NEO1: variants seen among roughly 807,000 people sequenced by gnomAD.
NEO1 encodes neogenin 1, also known as neogenin.
NEO1 carries 63 observed loss-of-function variants against 159.7 expected under a neutral mutation model. The ratio of observed to expected loss-of-function variants is 0.39; its 90% CI spans 0.32 to 0.49. The LOEUF (loss-of-function observed/expected upper bound fraction) is 0.49. NEO1 is among the 20% of genes least tolerant of loss of function. The probability of loss-of-function intolerance (pLI) is 0.85; values close to 1 mark genes in which losing one functional copy is unlikely to be tolerated. For synonymous variants in NEO1, 633 were observed against 662.0 expected, an observed-to-expected ratio of 0.96 and a Z score of 0.67; for missense variants, 1,615 against 1,831.0, an observed-to-expected ratio of 0.88 and a Z score of 2.15.
intron 5 of NEO1, among the ~76,000 whole-genome samples, chr15:73,145,137 TA>T (rs1017644146): frequency 2.6e-5 from 4 of 152,112 alleles, no homozygotes; most frequent in Non-Finnish European, 5.9e-5. Flanking sequence ...TAATATCTGT[TA>T]AAAAAGGGGG....
chr15:73,229,123 T>C (rs1164255085), intron 7 of NEO1, among the ~76,000 whole-genome samples: 1 of 152,176 alleles, frequency 6.6e-6, no homozygotes, highest in African/African-American at 2.4e-5. Flanking sequence ...AGTTGCCTTA[T>C]TAACAACTTT....
At chr15:73,110,994 AAAGAT>A (rs1270640301) in intron 1 of NEO1, among the ~76,000 whole-genome samples, 2 of 152,200 alleles carry the variant, frequency 1.3e-5, no homozygotes, top group Admixed American at 6.5e-5. Context: ...TACTGAAAAA[AAAGAT>A]AAGAAGAATG....
intron 28 of NEO1, 143 bp downstream of exon 28, chr15:73,301,600 TAC>T (rs1352253279): frequency 1.8e-6 from 2 of 1,106,044 alleles, no homozygotes; most frequent in African/African-American, 1.6e-5. Flanking sequence ...ATTCAGTAGA[TAC>T]AGTGTTGAGC....
chr15:73,060,669 A>G lies in NEO1; in HGVS notation c.130+7864A>G, dbSNP rs185222829. ...CTTTTATTTATTTATTTATTTTGAG[A>G]TGGGCTCTCACTCTATCACCCAGGC... On this transcript the variant is annotated intron_variant, in intron 1 of 28. Transcript: ENST00000261908. Among the ~76,000 whole-genome samples, 27 of 151,926 alleles carry G rather than the reference A, an allele frequency of 1.8e-4. No homozygotes were observed. The East Asian group carries it at 4.7e-3, about 26-fold the overall frequency.
chr15:73,147,492 C>T (rs1428931786), intron 5 of NEO1, among the ~76,000 whole-genome samples: 1 of 152,218 alleles, frequency 6.6e-6, no homozygotes, highest in Admixed American at 6.5e-5. Flanking sequence ...TAGGCTTTCT[C>T]ACCTAAGTCT....
At chr15:73,164,547 G>C (rs999121172) in intron 5 of NEO1, among the ~76,000 whole-genome samples, 1 of 152,154 alleles carries the variant, frequency 6.6e-6, no homozygotes, top group Non-Finnish European at 1.5e-5. Context: ...TAGCTAGGAC[G>C]TGCAGTAGAA....
intron 7 of NEO1, among the ~76,000 whole-genome samples, chr15:73,193,246 A>G (rs2036338024): frequency 6.6e-6 from 1 of 152,082 alleles, no homozygotes; most frequent in Non-Finnish European, 1.5e-5. Flanking sequence ...ACAGTTATCT[A>G]GCAGATACCC....
rs921048612 is a variant in NEO1 at position 73,122,877 on chromosome 15, TAATG to T, written c.724+82_724+85del. 217 of 1,554,280 alleles carry T rather than the reference TAATG, an allele frequency of 1.4e-4. 1 individual carries two copies. In the African/African-American group the frequency reaches 2.6e-3, roughly 19 times the overall value. Reference sequence around the variant, plus strand: ...ATTGTTCTGTTAGAATTTTTAAAAATAATGAATGTTGGCCGGGCGCAGTGGCTCA... The same window carrying T: ...ATTGTTCTGTTAGAATTTTTAAAAATAATGTTGGCCGGGCGCAGTGGCTCA... On this transcript the variant is annotated intron_variant, in intron 3 of 28. Coordinates refer to ENST00000261908, the MANE Select transcript of NEO1 (RefSeq NM_002499.4).
intron 9 of NEO1, among the ~76,000 whole-genome samples, chr15:73,246,081 C>T (rs573298844): frequency 1.1e-4 from 17 of 152,222 alleles, no homozygotes; most frequent in South Asian, 1.0e-3. Context: ...CTTTACCTGA[C>T]GGGTAGAATA....
chr15:73,222,036 G>T (rs1224363851), intron 7 of NEO1: 1 of 152,502 alleles, frequency 6.6e-6, no homozygotes, highest in African/African-American at 2.5e-5. Flanking sequence ...CACGCTGGAA[G>T]CTGTAGACCG....
chr15:73,257,324 G>A (rs914543877), intron 13 of NEO1, among the ~76,000 whole-genome samples: 11 of 149,348 alleles, frequency 7.4e-5, no homozygotes, highest in African/African-American at 2.5e-4. Context: ...TTTTCTCAAT[G>A]AAACATTTGA....
At chr15:73,192,514 C>A (rs1399891066) in intron 7 of NEO1, among the ~76,000 whole-genome samples, 1 of 151,786 alleles carries the variant, frequency 6.6e-6, no homozygotes, top group Non-Finnish European at 1.5e-5. Flanking sequence ...TCAAACAATC[C>A]TATTTATAAT....
At chr15:73,098,246 C>G (rs1193191465) in intron 1 of NEO1, among the ~76,000 whole-genome samples, 2 of 152,160 alleles carry the variant, frequency 1.3e-5, no homozygotes, top group South Asian at 4.2e-4. Flanking sequence ...CGAACTAGTT[C>G]TCTGTGTGAT....
chr15:73,161,361 C>CCCTGATG (rs1383694824), intron 5 of NEO1, among the ~76,000 whole-genome samples: 1 of 152,068 alleles, frequency 6.6e-6, no homozygotes, highest in Non-Finnish European at 1.5e-5. Flanking sequence ...TGTATCTTTT[C>CCCTGATG]CCTGATGTAA....
chr15:73,175,524 A>G (rs2035231342), intron 5 of NEO1, among the ~76,000 whole-genome samples: 1 of 152,218 alleles, frequency 6.6e-6, no homozygotes, highest in South Asian at 2.1e-4. Flanking sequence ...ATCCCAATCA[A>G]AATCCCAGCA....
chr15:73,273,315 T>G (rs1464811281), intron 19 of NEO1, among the ~76,000 whole-genome samples: 3 of 152,226 alleles, frequency 2.0e-5, no homozygotes, highest in Non-Finnish European at 2.9e-5. Flanking sequence ...AAAGTGTTTC[T>G]TAGCACTGTC....
intron 15 of NEO1, among the ~76,000 whole-genome samples, chr15:73,265,057 C>A (rs139272406): frequency 6.6e-6 from 1 of 152,050 alleles, no homozygotes; most frequent in South Asian, 2.1e-4. Context: ...GGGATGTGAC[C>A]CCAGCATAGG....
chr15:73,276,088 T>C (rs12439852), intron 21 of NEO1, among the ~76,000 whole-genome samples: 43,279 of 152,102 alleles, frequency 0.28, 7,149 homozygotes, highest in East Asian at 0.55. Context: ...ACCCATAATA[T>C]ATATATGCAC....
intron 7 of NEO1, among the ~76,000 whole-genome samples, chr15:73,192,751 A>G (rs1023043936): frequency 5.3e-5 from 8 of 152,006 alleles, no homozygotes; most frequent in Non-Finnish European, 7.4e-5. Context: ...ATTTATGGAA[A>G]AGAGAAGGAA....
Sources: allele counts gnomAD v4.1 joint callset (sites outside exome capture counted in the v4.1 genomes callset), GRCh38; gene constraint gnomAD v4.1.1; transcripts MANE v1.5; gene names NCBI Gene and HGNC (gene_info 2026-07-23, HGNC 2026-07-21).